Variants in NYAP2 observed in about 807,000 individuals in gnomAD.
NYAP2 encodes neuronal tyrosine-phosphorylated phosphoinositide-3-kinase adapter 2.
NYAP2 carries 23 observed loss-of-function variants against 50.4 expected under a neutral mutation model. That is an observed-to-expected ratio of 0.46 (90% CI 0.33 to 0.65). The LOEUF (loss-of-function observed/expected upper bound fraction) is 0.65, where lower values mean the gene tolerates loss of function less well. Among genes scored for constraint, NYAP2 ranks in the 30% least tolerant of loss-of-function variants. NYAP2 has a pLI of 0.02. For missense variants in NYAP2, 885 were observed against 861.0 expected, an observed-to-expected ratio of 1.03 and a Z score of -0.35; for synonymous variants, 394 against 365.2, an observed-to-expected ratio of 1.08 and a Z score of -0.90.
chr2:225,419,601 A>C (rs1695184131), intron 3 of NYAP2, among the ~76,000 whole-genome samples: 1 of 152,196 alleles, frequency 6.6e-6, no homozygotes, highest in Non-Finnish European at 1.5e-5. Context: ...AACAATCTTC[A>C]TTTTGTTGAG....
At chr2:225,640,553 G>C (rs1194310171) in intron 6 of NYAP2, among the ~76,000 whole-genome samples, 1 of 152,070 alleles carries the variant, frequency 6.6e-6, no homozygotes, top group Non-Finnish European at 1.5e-5. Context: ...CCTAGTCTTT[G>C]CTGCTTTGTG....
chr2:225,636,586 G>A (rs1012874045), intron 6 of NYAP2, among the ~76,000 whole-genome samples: 5 of 151,674 alleles, frequency 3.3e-5, no homozygotes, highest in African/African-American at 7.3e-5. Flanking sequence ...AAAGACACAT[G>A]CACACGTATG....
chr2:225,675,307 G>A, the NYAP2 span, among the ~76,000 whole-genome samples: 79 of 151,940 alleles, frequency 5.2e-4, no homozygotes, highest in African/African-American at 1.7e-3. Flanking sequence ...TCCCTTCCCC[G>A]TCTAGTGATC....
intron 5 of NYAP2, among the ~76,000 whole-genome samples, chr2:225,599,905 G>A (rs902255665): frequency 6.6e-6 from 1 of 152,046 alleles, no homozygotes; most frequent in Non-Finnish European, 1.5e-5. Context: ...CTATTTTTAA[G>A]TGTAGAGTTC....
At chr2:225,457,951 T>A (rs1166693416) in intron 3 of NYAP2, among the ~76,000 whole-genome samples, 1 of 152,102 alleles carries the variant, frequency 6.6e-6, no homozygotes, top group African/African-American at 2.4e-5. Context: ...TAATGTAGAA[T>A]CATTTCTAAG....
the NYAP2 span, among the ~76,000 whole-genome samples, chr2:225,693,971 C>A: frequency 2.6e-5 from 4 of 152,028 alleles, no homozygotes; most frequent in Non-Finnish European, 5.9e-5. Flanking sequence ...GATTTTATTT[C>A]CATGGACTTA....
At chr2:225,572,663 G>A (rs892458925) in intron 4 of NYAP2, among the ~76,000 whole-genome samples, 3 of 152,094 alleles carry the variant, frequency 2.0e-5, no homozygotes, top group African/African-American at 2.4e-5. Context: ...AGAAACATAG[G>A]CATAAAACTT....
chr2:225,676,891 G>T, the NYAP2 span, among the ~76,000 whole-genome samples: 26 of 152,128 alleles, frequency 1.7e-4, no homozygotes, highest in Non-Finnish European at 3.1e-4. Context: ...TGACTATTTG[G>T]GCTTTTTGGT....
chr2:225,631,677 T>G (rs1362732459), intron 6 of NYAP2, among the ~76,000 whole-genome samples: 1 of 152,198 alleles, frequency 6.6e-6, no homozygotes, highest in African/African-American at 2.4e-5. Flanking sequence ...GGAAAAATGT[T>G]GTGTTGTTAG....
chr2:225,582,732 C>T lies in NYAP2; in HGVS notation c.1315C>T (p.Pro439Ser). 1.2e-6 allele frequency: 2 copies of T among 1,612,620 alleles called. No individual in the cohort carries two copies. Among genetic ancestry groups the T allele is most frequent in the Non-Finnish European group, 1.7e-6 (2 of 1,178,948 alleles). ...TAAAAGTCACTCCACCTCTCCCTCC[C>T]CCGTCAGCATGGGGAGGTCCCTGAC... The change falls in exon 5 of 7, where the codon CCC becomes TCC. Residue 439 changes from proline (P) to serine (S), a missense_variant. Pro to Ser is a moderately conservative substitution (Grantham distance 74). Coordinates refer to ENST00000636099, the Ensembl canonical transcript of NYAP2. This position sits in a 1 kb window ranked among gnomAD's most constrained non-coding sequence, Gnocchi z 7.0.
the NYAP2 span, chr2:225,699,240 A>G: frequency 6.6e-6 from 1 of 151,956 alleles, no homozygotes; most frequent in South Asian, 2.1e-4. Flanking sequence ...GTAATAACTA[A>G]GCAATGGTTA....
downstream of NYAP2, among the ~76,000 whole-genome samples, chr2:225,656,698 AC>A: frequency 6.6e-6 from 1 of 152,126 alleles, no homozygotes; most frequent in South Asian, 2.1e-4. Context: ...AAGATAGACA[AC>A]CCAAAATAGG....
intron 4 of NYAP2, among the ~76,000 whole-genome samples, chr2:225,529,296 C>A (rs1351330537): frequency 6.6e-6 from 1 of 151,960 alleles, no homozygotes; most frequent in Non-Finnish European, 1.5e-5. Flanking sequence ...GCTTGCCTAT[C>A]TTTTGTTTGT....
chr2:225,476,178 C>T (rs548471293), intron 3 of NYAP2, among the ~76,000 whole-genome samples: 1 of 152,278 alleles, frequency 6.6e-6, no homozygotes, highest in Non-Finnish European at 1.5e-5. Flanking sequence ...CTTTGGGAGG[C>T]CTAGGCGGGC....
At chr2:225,601,827 C>T (rs941983057) in intron 5 of NYAP2, among the ~76,000 whole-genome samples, 1 of 152,104 alleles carries the variant, frequency 6.6e-6, no homozygotes, top group African/African-American at 2.4e-5. Flanking sequence ...AATATTTTCT[C>T]CCATCCCATA....
At chr2:225,569,244 T>C (rs1692021745) in intron 4 of NYAP2, among the ~76,000 whole-genome samples, 1 of 152,176 alleles carries the variant, frequency 6.6e-6, no homozygotes, top group South Asian at 2.1e-4. Context: ...ATGACAAAAG[T>C]CTGTTCAGGT....
At chr2:225,530,558 CTATT>C (rs1432726329) in intron 4 of NYAP2, among the ~76,000 whole-genome samples, 1 of 152,184 alleles carries the variant, frequency 6.6e-6, no homozygotes, top group East Asian at 1.9e-4. Flanking sequence ...TCTTACTACT[CTATT>C]TGTCTCCTTG....
At position 225,524,864 on chromosome 2, in the gene NYAP2, C is replaced by A. The variant is rs563663683; in HGVS notation, c.523+11192C>A. Among the ~76,000 whole-genome samples, 15 of 152,256 alleles carry A rather than the reference C, an allele frequency of 9.9e-5. No individual in the cohort carries two copies. In the South Asian group the frequency reaches 1.2e-3, roughly 13 times the overall value. ...CTGAAAAAGGCTTAATATCCAGAAT[C>A]TATAAGAAACTCAAACAACTAAAGG... is the stretch of plus-strand genomic sequence containing the variant. On this transcript the variant is annotated intron_variant, in intron 4 of 6. Coordinates refer to ENST00000636099, the Ensembl canonical transcript of NYAP2.
chr2:225,510,290 T>C (rs530317464), intron 3 of NYAP2, among the ~76,000 whole-genome samples: 2 of 152,352 alleles, frequency 1.3e-5, no homozygotes, highest in East Asian at 3.9e-4. Context: ...TCCTGATTGC[T>C]TCTAATTGAT....
Sources: allele counts gnomAD v4.1 joint callset (sites outside exome capture counted in the v4.1 genomes callset), GRCh38; gene constraint gnomAD v4.1.1; non-coding constraint Gnocchi (gnomAD v3.1); transcripts MANE v1.5; gene names NCBI Gene and HGNC (gene_info 2026-07-23, HGNC 2026-07-21).